MTERF4: variants seen among roughly 807,000 people sequenced by gnomAD.
MTERF4 encodes the protein transcription termination factor 4, mitochondrial.
Under a neutral mutation model 22.5 loss-of-function variants are expected in MTERF4, and 17 were observed. The ratio of observed to expected loss-of-function variants is 0.75; its 90% CI spans 0.52 to 1.13. The LOEUF (loss-of-function observed/expected upper bound fraction) is 1.13, where lower values mean the gene tolerates loss of function less well. Among genes scored for constraint, MTERF4 ranks in the 50% most tolerant of loss-of-function variants. The pLI is 0.00. For synonymous variants in MTERF4, 165 were observed against 175.3 expected (o/e 0.94, Z 0.47); for missense variants, 420 against 466.8 (o/e 0.90, Z 0.92).
the MTERF4 span, chr2:241,062,780 T>G: frequency 1.3e-6 from 2 of 1,593,336 alleles, no homozygotes; most frequent in Non-Finnish European, 8.6e-7. Context: ...TCTTGGGCTC[T>G]CTCCTCTCAG....
At chr2:241,055,308 C>A in the MTERF4 span, among the ~76,000 whole-genome samples, 1 of 152,046 alleles carries the variant, frequency 6.6e-6, no homozygotes, top group East Asian at 1.9e-4. Context: ...AAAGGGGAAA[C>A]AAACACCAGA....
chr2:241,071,986 C>A, downstream of MTERF4: 1 of 979,934 alleles, frequency 1.0e-6, no homozygotes, highest in Non-Finnish European at 1.6e-6. Context: ...ACCGCCAGCG[C>A]AGTCTCCAGC....
chr2:241,071,992 C>T, downstream of MTERF4: 4 of 931,990 alleles, frequency 4.3e-6, no homozygotes, highest in Non-Finnish European at 5.1e-6. Flanking sequence ...AGCGCAGTCT[C>T]CAGCCAGTGA....
the MTERF4 span, among the ~76,000 whole-genome samples, chr2:241,042,595 A>G: frequency 3.3e-5 from 5 of 152,262 alleles, no homozygotes; most frequent in African/African-American, 1.2e-4. Context: ...ATTAGCAGAT[A>G]CAAATGTTTA....
the MTERF4 span, chr2:241,049,234 C>T: frequency 5.8e-6 from 5 of 866,072 alleles, no homozygotes; most frequent in East Asian, 1.1e-4. Flanking sequence ...TCCCTACTTC[C>T]CTTCTGACTC....
chr2:241,079,644 G>T (rs2063233655), intron 4 of MTERF4, among the ~76,000 whole-genome samples: 7 of 152,156 alleles, frequency 4.6e-5, no homozygotes, highest in Admixed American at 4.6e-4. Flanking sequence ...CAAAAAAAAG[G>T]TTTTAAAAAC....
chr2:241,094,595 A>AC (rs1294344607), downstream of MTERF4: 1 of 352,824 alleles, frequency 2.8e-6, no homozygotes, highest in African/African-American at 2.2e-5. This position sits in a 1 kb window ranked among gnomAD's most constrained non-coding sequence, Gnocchi z 4.3. Context: ...AAGTCCATTT[A>AC]CCATCTGAAG....
At chr2:241,074,422 C>T (rs1161520039) in exon 5 of MTERF4, 1 of 152,194 alleles carries the variant, frequency 6.6e-6, no homozygotes, top group African/African-American at 2.4e-5. Flanking sequence ...AGAGTGAAGA[C>T]TCTCGTGTTG....
In MTERF4 at chr2:241,099,578, A is replaced by G; in HGVS notation, c.338T>C (p.Leu113Pro). The G allele has an allele frequency of 6.2e-7, 1 of 1,614,242 alleles. No individual in the cohort carries two copies. Among genetic ancestry groups the G allele is most frequent in the South Asian group, 1.1e-5 (1 of 91,088 alleles). Reference protein sequence around the residue: ...GFSNAHINELLSVRRGASLQQ... With the variant: ...GFSNAHINELPSVRRGASLQQ... ...AAGACTGGCACCTCGCCGTACACTGAGCAATTCATTAATATGGGCATTGCT... is the reference window on the plus strand; with the variant it reads ...AAGACTGGCACCTCGCCGTACACTGGGCAATTCATTAATATGGGCATTGCT... Residue 113 changes from leucine to proline, a missense_variant, in exon 2 of 4, where the codon CTC (leucine) becomes CCC (proline). Coordinates refer to ENST00000391980, the MANE Select transcript of MTERF4 (RefSeq NM_182501.4).
intron 4 of MTERF4, among the ~76,000 whole-genome samples, chr2:241,078,967 A>G (rs1307886764): frequency 6.6e-6 from 1 of 151,512 alleles, no homozygotes; most frequent in African/African-American, 2.4e-5. Flanking sequence ...TACAAAAATT[A>G]GCCAGGCATG....
intron 4 of MTERF4, among the ~76,000 whole-genome samples, chr2:241,079,268 C>T (rs899531547): frequency 2.6e-5 from 4 of 151,192 alleles, no homozygotes; most frequent in African/African-American, 4.9e-5. Flanking sequence ...AAAAATTAGC[C>T]GGGCGCAGTG....
At chr2:241,072,043 C>T (rs1002493293), downstream of MTERF4, 11 of 725,774 alleles carry the variant, frequency 1.5e-5, no homozygotes, top group Middle Eastern at 4.5e-4. Flanking sequence ...GCTCGTGGGC[C>T]GCCGGCAGCA....
chr2:241,081,913 G>A (rs2063346585), intron 4 of MTERF4: 2 of 758,512 alleles, frequency 2.6e-6, no homozygotes, highest in South Asian at 1.6e-5. Flanking sequence ...GCCAGACAGG[G>A]AGTCTGGTGC....
chr2:241,088,984 T>C (rs2063735010), downstream of MTERF4: 1 of 274,628 alleles, frequency 3.6e-6, no homozygotes, highest in East Asian at 8.1e-5. Context: ...CATTCATAAA[T>C]CCTGACGTGA....
chr2:241,055,804 A>T, the MTERF4 span, among the ~76,000 whole-genome samples: 1 of 152,352 alleles, frequency 6.6e-6, no homozygotes, highest in East Asian at 1.9e-4. Context: ...TCATAGTCTC[A>T]CAAGGATTAG....
chr2:241,065,739 G>A, the MTERF4 span: 1 of 733,330 alleles, frequency 1.4e-6, no homozygotes, highest in East Asian at 2.7e-5. Flanking sequence ...CTGGGGGTTG[G>A]AGGCACCGCC....
chr2:241,056,923 G>A, the MTERF4 span, among the ~76,000 whole-genome samples: 1 of 152,132 alleles, frequency 6.6e-6, no homozygotes, highest in East Asian at 1.9e-4. Flanking sequence ...AGATCTGTGG[G>A]ACAATATCAA....
the MTERF4 span, chr2:241,053,125 G>C: frequency 8.8e-6 from 14 of 1,596,358 alleles, no homozygotes; most frequent in Admixed American, 1.7e-5. Flanking sequence ...GCACAGGACC[G>C]TGCGAGACAG....
At chr2:241,060,486 C>A in the MTERF4 span, among the ~76,000 whole-genome samples, 9 of 152,064 alleles carry the variant, frequency 5.9e-5, no homozygotes, top group Non-Finnish European at 1.2e-4. Context: ...CCGTCCCTAA[C>A]TATAAACTTC....
Sources: gnomAD v4.1 joint callset for allele counts (sites outside exome capture counted in the v4.1 genomes callset) on GRCh38, gnomAD v4.1.1 for gene constraint, Gnocchi (gnomAD v3.1) non-coding constraint, MANE v1.5 for transcripts, NCBI Gene and HGNC (gene_info 2026-07-23, HGNC 2026-07-21) for gene names.